Variants in COL4A5 observed in about 807,000 individuals in gnomAD.
COL4A5 encodes collagen type IV alpha 5 chain, also known as collagen alpha-5(IV) chain.
In COL4A5, 26 loss-of-function variants were observed where a neutral mutation model predicts 130.2. The observed-to-expected ratio is 0.20, with a 90% CI of 0.15 to 0.28. The LOEUF is 0.28. Ranked by LOEUF, COL4A5 falls within the 10% of genes least tolerant of loss-of-function variation. The pLI is 1.00. For synonymous variants in COL4A5, 496 were observed against 439.6 expected, an observed-to-expected ratio of 1.13 and a Z score of -1.60; for missense variants, 1,131 against 1,344.3, an observed-to-expected ratio of 0.84 and a Z score of 2.48.
Position 108,591,160 on chromosome X carries a change from G to A in COL4A5, c.1268G>A (p.Gly423Glu), listed in dbSNP as rs104886110. Residue 423 changes from glycine (G) to glutamate (E), a missense_variant, in exon 20 of 53, where the codon GGA becomes GAA. By Grantham distance (98) the Gly-to-Glu change is moderately conservative. Coordinates refer to ENST00000328300, the MANE Select transcript of COL4A5 (RefSeq NM_033380.3). ...GGAATTTCCATTCCTGGACCTCCTG[G>A]ACTTGACGGACAGCCTGGGGCTCCT... ...PPGISIPGPP[G>E]LDGQPGAPGL... The A allele has an allele frequency of 8.3e-7, 1 of 1,210,401 alleles. No individual in the cohort carries two copies. Among genetic ancestry groups the A allele is most frequent in the Non-Finnish European group, 1.1e-6 (1 of 895,147 alleles).
At chrX:108,661,991 T>C (rs2067966876) in intron 37 of COL4A5, among the ~76,000 whole-genome samples, 1 of 109,063 alleles carries the variant, frequency 9.2e-6, no homozygotes, top group African/African-American at 3.3e-5. Flanking sequence ...GTTACATATG[T>C]ATACATGTGC....
intron 1 of COL4A5, among the ~76,000 whole-genome samples, chrX:108,508,927 A>C (rs1470782690): frequency 1.8e-5 from 2 of 112,226 alleles, no homozygotes; most frequent in East Asian, 2.8e-4. Context: ...GTATTAAACA[A>C]TTAAATGTAA....
At chrX:108,451,098 G>T (rs2092842879) in intron 1 of COL4A5, among the ~76,000 whole-genome samples, 1 of 107,546 alleles carries the variant, frequency 9.3e-6, no homozygotes, top group African/African-American at 3.4e-5. Context: ...TGCGGTGTTT[G>T]ATTTTTTGTC....
chrX:108,695,690 G>A (rs758654253), intron 52 of COL4A5: 116 of 360,443 alleles, frequency 3.2e-4, no homozygotes, highest in Non-Finnish European at 5.0e-4. Context: ...GATAAAGAAA[G>A]GTTATGTGAC....
At chrX:108,607,029 C>A in intron 29 of COL4A5, 137 bp downstream of exon 29, 1 of 636,401 alleles carries the variant, frequency 1.6e-6, no homozygotes, top group Non-Finnish European at 2.6e-6. Flanking sequence ...ACATTTTTTT[C>A]AATCCTTCAT....
At chrX:108,558,882 A>G (rs1864353144) in intron 2 of COL4A5, among the ~76,000 whole-genome samples, 182 bp from the exon 3 acceptor site, 1 of 112,197 alleles carries the variant, frequency 8.9e-6, no homozygotes, top group Non-Finnish European at 1.9e-5. Flanking sequence ...TAACTTCCAG[A>G]CGGTTTGTGT....
At chrX:108,573,730 ACTCT>A (rs745437301) in intron 9 of COL4A5, 76 bp downstream of exon 9, 82 of 684,647 alleles carry the variant, frequency 1.2e-4, no homozygotes, top group Non-Finnish European at 1.7e-4. Flanking sequence ...AACCTTTAGT[ACTCT>A]CTGTTTTTGT....
intron 1 of COL4A5, among the ~76,000 whole-genome samples, chrX:108,504,370 A>G (rs1299016356): frequency 8.9e-6 from 1 of 112,091 alleles, no homozygotes; most frequent in Non-Finnish European, 1.9e-5. Flanking sequence ...TGTAACAAAA[A>G]CAAAAATAAA....
At chrX:108,641,792 C>T (rs1448809820) in intron 36 of COL4A5, among the ~76,000 whole-genome samples, 4 of 111,733 alleles carry the variant, frequency 3.6e-5, no homozygotes, top group Admixed American at 9.4e-5. Context: ...AGGGATCCAT[C>T]GGGAGGGCAG....
Position 108,571,905 on chromosome X carries a change from G to A in COL4A5, c.465+68G>A, listed in dbSNP as rs754205579. ...TTAGGAAAGCTGGCAACTTCAATAG[G>A]ATAATGACTCAAACTTCTGTCTTAA... On this transcript the variant is annotated intron_variant, in intron 8 of 52. Transcript: ENST00000328300. 2.5e-4 allele frequency: 207 copies of A among 821,468 alleles called. No homozygotes were observed. In the Middle Eastern group the frequency reaches 3.9e-3, roughly 16 times the overall value. 67.7% of individuals were successfully genotyped at this position (821,468 alleles called of 1,213,427 possible). A position where few individuals can be genotyped will look rare whatever the true frequency, so the allele number is the denominator to read the frequency against.
chrX:108,615,777 A>G (rs1201815943), intron 30 of COL4A5, among the ~76,000 whole-genome samples: 1 of 111,912 alleles, frequency 8.9e-6, no homozygotes, highest in African/African-American at 3.2e-5. Flanking sequence ...GCAAAATACC[A>G]TAATAATTTA....
At chrX:108,526,567 C>A (rs5929130) in intron 1 of COL4A5, among the ~76,000 whole-genome samples, 1 of 94,317 alleles carries the variant, frequency 1.1e-5, no homozygotes, top group African/African-American at 4.2e-5. Context: ...CTCCCTCCTT[C>A]CTTTCCTCCC....
chrX:108,687,533 C>G lies in COL4A5; in HGVS notation c.4367C>G (p.Pro1456Arg). The change falls in exon 49 of 53, where the codon CCA becomes CGA. Residue 1456 changes from proline to arginine, a missense_variant. Transcript: ENST00000328300. ...PPGPDGLQGP[P>R]GPPGTSSVAH... ...GGTCCAGATGGATTGCAAGGTCCCC[C>G]AGGTCCCCCTGGAACCTCCTCTGTT... The G allele has an allele frequency of 5.8e-6, 7 of 1,211,461 alleles. No homozygotes were observed. Among genetic ancestry groups the G allele is most frequent in the Non-Finnish European group, 7.8e-6 (7 of 895,283 alleles).
intron 49 of COL4A5, among the ~76,000 whole-genome samples, chrX:108,691,378 C>G (rs2068637780): frequency 9.0e-6 from 1 of 111,119 alleles, no homozygotes; most frequent in Non-Finnish European, 1.9e-5. Flanking sequence ...TAATTTTGCA[C>G]AAATAAAAAA....
At chrX:108,603,882 A>G (rs1334246635) in intron 28 of COL4A5, among the ~76,000 whole-genome samples, 1 of 112,282 alleles carries the variant, frequency 8.9e-6, no homozygotes, top group Non-Finnish European at 1.9e-5. Context: ...TGTTCCCAGC[A>G]TCTTCACCAG....
chrX:108,599,005 G>A (rs1044440988), intron 25 of COL4A5, 135 bp downstream of exon 25: 14 of 566,099 alleles, frequency 2.5e-5, no homozygotes, highest in Non-Finnish European at 4.0e-5. Context: ...GAGCATCTTA[G>A]CAAGGGATCA....
intron 1 of COL4A5, among the ~76,000 whole-genome samples, chrX:108,536,394 A>T (rs1466452811): frequency 9.0e-6 from 1 of 110,741 alleles, no homozygotes; most frequent in African/African-American, 3.3e-5. Context: ...GATAATACAA[A>T]ACTTTCCTTA....
chrX:108,530,532 A>G (rs1217858574), intron 1 of COL4A5, among the ~76,000 whole-genome samples: 3 of 103,862 alleles, frequency 2.9e-5, no homozygotes, highest in Non-Finnish European at 5.9e-5. Flanking sequence ...AACCCCATCA[A>G]AAAGTGGGCG....
chrX:108,576,447 TG>T (rs1470465060), intron 10 of COL4A5, among the ~76,000 whole-genome samples: 2 of 111,964 alleles, frequency 1.8e-5, no homozygotes, highest in Non-Finnish European at 3.8e-5. Context: ...CACAGGTTTT[TG>T]TACCCCAAAA....
Sources: allele counts gnomAD v4.1 joint callset (sites outside exome capture counted in the v4.1 genomes callset), GRCh38; gene constraint gnomAD v4.1.1; transcripts MANE v1.5; gene names NCBI Gene and HGNC (gene_info 2026-07-23, HGNC 2026-07-21).